Variants in ERBB4 observed in about 807,000 individuals in gnomAD.
The protein encoded by ERBB4 is erb-b2 receptor tyrosine kinase 4, also known as receptor tyrosine-protein kinase erbB-4.
Under a neutral mutation model 158.0 loss-of-function variants are expected in ERBB4, and 42 were observed. That is an observed-to-expected ratio of 0.27 (90% CI 0.21 to 0.34). The LOEUF (loss-of-function observed/expected upper bound fraction) is 0.34, where lower values mean the gene tolerates loss of function less well. Among genes scored for constraint, ERBB4 ranks in the 10% least tolerant of loss-of-function variants. The probability of loss-of-function intolerance (pLI) is 1.00; values close to 1 mark genes in which losing one functional copy is unlikely to be tolerated. For synonymous variants in ERBB4, 583 were observed against 558.7 expected (o/e 1.04, Z -0.61); for missense variants, 1,333 against 1,624.1 (o/e 0.82, Z 3.08).
At chr2:212,116,600 G>A (rs992997747) in intron 2 of ERBB4, among the ~76,000 whole-genome samples, 8 of 151,944 alleles carry the variant, frequency 5.3e-5, no homozygotes, top group South Asian at 2.1e-4. Flanking sequence ...GGCATGTGCC[G>A]CCACACTGGT....
chr2:212,356,421 T>TA (rs1487580416), intron 1 of ERBB4, among the ~76,000 whole-genome samples: 5 of 152,000 alleles, frequency 3.3e-5, no homozygotes, highest in South Asian at 2.1e-4. Flanking sequence ...TAAAGCCTTG[T>TA]AAAAAATAAA....
At chr2:212,151,304 G>A (rs944016722) in intron 1 of ERBB4, among the ~76,000 whole-genome samples, 9 of 150,396 alleles carry the variant, frequency 6.0e-5, no homozygotes, top group African/African-American at 1.2e-4. Flanking sequence ...ATATATCATA[G>A]GCATATAGCA....
At chr2:212,309,073 A>G (rs1271755703) in intron 1 of ERBB4, among the ~76,000 whole-genome samples, 1 of 150,968 alleles carries the variant, frequency 6.6e-6, no homozygotes, top group African/African-American at 2.4e-5. Flanking sequence ...AGCATCACAG[A>G]ACACTAAATT....
At chr2:212,055,071 T>C (rs2012211) in intron 2 of ERBB4, among the ~76,000 whole-genome samples, 89,246 of 151,960 alleles carry the variant, frequency 0.59, 29,569 homozygotes, top group East Asian at 0.93. Context: ...CAGTGACGGA[T>C]GGCACCTGGA....
At position 212,158,454 on chromosome 2, in the gene ERBB4, G is replaced by A. The variant is rs113231651; in HGVS notation, c.83-33551C>T. On this transcript the variant is annotated intron_variant, in intron 1 of 27. Transcript: ENST00000342788. Reference sequence around the variant, plus strand: ...GCACATATTACTTCCTTTACCAAAAGTTCCCTACCCCTTCTCATCTACCCA... The same window carrying A: ...GCACATATTACTTCCTTTACCAAAAATTCCCTACCCCTTCTCATCTACCCA... Among the ~76,000 whole-genome samples, 1,003 of 151,820 alleles carry A rather than the reference G, an allele frequency of 6.6e-3. 7 individuals carry two copies. Among genetic ancestry groups the A allele is most frequent in the Middle Eastern group, 0.024 (7 of 294 alleles).
At chr2:212,537,140 G>GCGC (rs1228672369) in intron 1 of ERBB4, among the ~76,000 whole-genome samples, 1 of 122,590 alleles carries the variant, frequency 8.2e-6, no homozygotes, top group African/African-American at 4.0e-5. Context: ...GGAGGCGGCG[G>GCGC]CGGCGGCGGC....
intron 15 of ERBB4, among the ~76,000 whole-genome samples, chr2:211,659,100 G>A (rs1399991761): frequency 6.6e-6 from 1 of 151,960 alleles, no homozygotes; most frequent in Non-Finnish European, 1.5e-5. Context: ...AATGTATAAG[G>A]CCAGTCTATC....
intron 14 of ERBB4, among the ~76,000 whole-genome samples, chr2:211,667,962 G>C (rs1360966603): frequency 6.6e-6 from 1 of 152,064 alleles, no homozygotes; most frequent in Non-Finnish European, 1.5e-5. Flanking sequence ...TGCATCATTA[G>C]GTGATTTCAT....
At chr2:211,727,659 G>C (rs1387951036) in intron 5 of ERBB4, among the ~76,000 whole-genome samples, 1 of 151,940 alleles carries the variant, frequency 6.6e-6, no homozygotes, top group Admixed American at 6.6e-5. Flanking sequence ...ATTAGTTCAT[G>C]ATTTCATATT....
At chr2:211,968,524 C>T (rs1287990001) in intron 2 of ERBB4, among the ~76,000 whole-genome samples, 1 of 152,046 alleles carries the variant, frequency 6.6e-6, no homozygotes, top group African/African-American at 2.4e-5. Context: ...TTCACCCTAT[C>T]AGTTTCTTAT....
intron 2 of ERBB4, among the ~76,000 whole-genome samples, chr2:211,959,210 T>C (rs2081110788): frequency 1.3e-5 from 2 of 152,062 alleles, no homozygotes; most frequent in Admixed American, 6.6e-5. Context: ...AGAAACATTG[T>C]TCAAGTTGCT....
chr2:211,532,471 T>C (rs2066527034), intron 20 of ERBB4, among the ~76,000 whole-genome samples: 1 of 152,030 alleles, frequency 6.6e-6, no homozygotes, highest in Non-Finnish European at 1.5e-5. Context: ...CACTGAACTT[T>C]ATAATTTATG....
At chr2:212,499,327 T>G (rs1381819891) in intron 1 of ERBB4, among the ~76,000 whole-genome samples, 1 of 152,048 alleles carries the variant, frequency 6.6e-6, no homozygotes, top group Non-Finnish European at 1.5e-5. Flanking sequence ...GTGCTAAATC[T>G]CTGTGAATCC....
chr2:212,096,223 T>C (rs1191204998), intron 2 of ERBB4, among the ~76,000 whole-genome samples: 1 of 152,074 alleles, frequency 6.6e-6, no homozygotes, highest in South Asian at 2.1e-4. Context: ...TACAATGGTA[T>C]AGAGGAGGCA....
chr2:211,553,512 G>A (rs543600948), intron 20 of ERBB4, among the ~76,000 whole-genome samples: 7 of 152,194 alleles, frequency 4.6e-5, no homozygotes, highest in Non-Finnish European at 8.8e-5. Flanking sequence ...TATTTTTTAC[G>A]TGTCATAATT....
At chr2:211,877,758 T>A (rs543458928) in intron 3 of ERBB4, among the ~76,000 whole-genome samples, 2 of 152,210 alleles carry the variant, frequency 1.3e-5, no homozygotes, top group African/African-American at 4.8e-5. Flanking sequence ...TAAGAAATAA[T>A]AGATAATATT....
At chr2:212,426,655 T>G (rs1421247719) in intron 1 of ERBB4, among the ~76,000 whole-genome samples, 1 of 152,126 alleles carries the variant, frequency 6.6e-6, no homozygotes, top group Non-Finnish European at 1.5e-5. Context: ...ACTTTAGTGC[T>G]TCTTTAGTAA....
chr2:212,069,544 T>G (rs527343879), intron 2 of ERBB4, among the ~76,000 whole-genome samples: 2 of 152,168 alleles, frequency 1.3e-5, no homozygotes, highest in South Asian at 2.1e-4. Flanking sequence ...TATTAAATAT[T>G]GTACTGGAGG....
chr2:211,924,606 G>T (rs1009843322), intron 3 of ERBB4, among the ~76,000 whole-genome samples: 9 of 152,026 alleles, frequency 5.9e-5, no homozygotes, highest in Admixed American at 5.9e-4. Flanking sequence ...TGTTTAGAGG[G>T]TGAAACAAAG....
Sources: allele counts gnomAD v4.1 joint callset (sites outside exome capture counted in the v4.1 genomes callset), GRCh38; gene constraint gnomAD v4.1.1; transcripts MANE v1.5; gene names NCBI Gene and HGNC (gene_info 2026-07-23, HGNC 2026-07-21).